KCNQ3: variants seen among roughly 807,000 people sequenced by gnomAD.
The protein encoded by KCNQ3 is potassium voltage-gated channel subfamily Q member 3.
Under a neutral mutation model 92.5 loss-of-function variants are expected in KCNQ3, and 30 were observed. That is an observed-to-expected ratio of 0.32 (90% confidence interval 0.24 to 0.44). The LOEUF (loss-of-function observed/expected upper bound fraction) is 0.44. Ranked by LOEUF, KCNQ3 falls within the 20% of genes least tolerant of loss-of-function variation. The pLI is 1.00. For missense variants in KCNQ3, 913 were observed against 1,140.3 expected (o/e 0.80, Z 2.87); for synonymous variants, 450 against 468.8 (o/e 0.96, Z 0.52).
At chr8:132,146,881 C>CAAGCCTGGCTAA (rs1825466210) in intron 9 of KCNQ3, among the ~76,000 whole-genome samples, 4 of 152,158 alleles carry the variant, frequency 2.6e-5, no homozygotes, top group African/African-American at 9.7e-5. Flanking sequence ...TAGTTTCAAA[C>CAAGCCTGGCTAA]TCTTGAGCTC....
intron 1 of KCNQ3, among the ~76,000 whole-genome samples, chr8:132,461,943 G>A (rs1472899893): frequency 1.3e-5 from 2 of 152,116 alleles, no homozygotes; most frequent in Non-Finnish European, 2.9e-5. Context: ...TAGGTGTGTG[G>A]CAAATATTTC....
intron 1 of KCNQ3, among the ~76,000 whole-genome samples, chr8:132,439,312 C>T (rs1821473579): frequency 6.6e-6 from 1 of 151,928 alleles, no homozygotes. Context: ...TTTCAGTGCC[C>T]ATTTTAAAGA....
chr8:132,231,599 C>T (rs1031699555), intron 1 of KCNQ3, among the ~76,000 whole-genome samples: 2 of 152,128 alleles, frequency 1.3e-5, no homozygotes, highest in African/African-American at 2.4e-5. Flanking sequence ...TATATGAGAA[C>T]ATAGCAAGAA....
intron 6 of KCNQ3, 44 bp from the exon 7 acceptor site, chr8:132,172,737 TC>T: frequency 1.4e-6 from 2 of 1,386,370 alleles, no homozygotes; most frequent in Non-Finnish European, 2.0e-6. Context: ...AGCTAGACTG[TC>T]CCAGCATTCC....
In KCNQ3 at chr8:132,219,771, TTTTG is replaced by T. The variant is rs556151126; in HGVS notation, c.387-33594_387-33591del. On this transcript the variant is annotated intron_variant, in intron 1 of 14. Coordinates refer to ENST00000388996, the MANE Select transcript of KCNQ3 (RefSeq NM_004519.4). ...TCAAATCCTCTTTAAGCAGAGCTTA[TTTTG>T]TTTGTTTGTTTTTATCTGCTGTGGA... Among the ~76,000 whole-genome samples the T allele has an allele frequency of 2.9e-4, 44 of 152,336 alleles. No homozygotes were observed. In the South Asian group the frequency reaches 8.3e-3, roughly 29 times the overall value.
At chr8:132,353,621 C>G (rs1205962287) in intron 1 of KCNQ3, among the ~76,000 whole-genome samples, 1 of 152,116 alleles carries the variant, frequency 6.6e-6, no homozygotes, top group Non-Finnish European at 1.5e-5. Context: ...CGAAACCAGC[C>G]TGGCCAACAT....
chr8:132,184,140 C>A lies in KCNQ3; in HGVS notation c.604+101G>T, dbSNP rs1826881026. ...AGGGGCTGAGCTGGCCTCCACAGTGCCGCGTGATTTCCCAGAATAGCTGCT... is the reference window on the plus strand; with the variant it reads ...AGGGGCTGAGCTGGCCTCCACAGTGACGCGTGATTTCCCAGAATAGCTGCT... On this transcript the variant is annotated intron_variant, in intron 3 of 14. Transcript: ENST00000388996. 6 of 1,468,702 alleles carry A rather than the reference C, an allele frequency of 4.1e-6. No homozygotes were observed. In the African/African-American group the frequency reaches 8.3e-5, roughly 20 times the overall value. The allele number at this position is 1,468,702 out of a possible 1,614,324, so 91.0% of individuals were successfully genotyped here. A position where few individuals can be genotyped will look rare whatever the true frequency, so the allele number is the denominator to read the frequency against.
intron 1 of KCNQ3, among the ~76,000 whole-genome samples, chr8:132,450,730 G>C (rs1460485948): frequency 1.3e-5 from 2 of 152,206 alleles, no homozygotes; most frequent in African/African-American, 4.8e-5. Context: ...TTGAGCCGAA[G>C]AGGAAGAAGG....
chr8:132,374,652 T>C (rs993070752), intron 1 of KCNQ3, among the ~76,000 whole-genome samples: 17 of 152,140 alleles, frequency 1.1e-4, no homozygotes, highest in African/African-American at 3.9e-4. Flanking sequence ...CAATACTAAT[T>C]TTTTTCTGCT....
chr8:132,378,358 C>T (rs139614079), intron 1 of KCNQ3, among the ~76,000 whole-genome samples: 4,013 of 151,988 alleles, frequency 0.026, 162 homozygotes, highest in African/African-American at 0.09. Flanking sequence ...TGCCACTGCA[C>T]TCCAGCCTGG....
chr8:132,370,641 C>T (rs1343494667), intron 1 of KCNQ3, among the ~76,000 whole-genome samples: 4 of 152,208 alleles, frequency 2.6e-5, no homozygotes, highest in Admixed American at 2.0e-4. Flanking sequence ...ACTCGTTACA[C>T]AGTTGGTGTA....
At chr8:132,396,202 C>T (rs1424956758) in intron 1 of KCNQ3, among the ~76,000 whole-genome samples, 1 of 152,140 alleles carries the variant, frequency 6.6e-6, no homozygotes, top group Non-Finnish European at 1.5e-5. Context: ...TCCGAAATGG[C>T]CCACTCTTTG....
intron 1 of KCNQ3, among the ~76,000 whole-genome samples, chr8:132,311,326 A>C (rs1238060216): frequency 6.6e-6 from 1 of 152,122 alleles, no homozygotes; most frequent in Non-Finnish European, 1.5e-5. Context: ...TTGGTAGGGC[A>C]TGACAGCAAA....
At chr8:132,147,205 C>T (rs1825477068) in intron 9 of KCNQ3, among the ~76,000 whole-genome samples, 1 of 152,108 alleles carries the variant, frequency 6.6e-6, no homozygotes, top group Non-Finnish European at 1.5e-5. Context: ...ACTTTGACAT[C>T]AATTTTCAAC....
intron 1 of KCNQ3, among the ~76,000 whole-genome samples, chr8:132,347,773 C>T (rs1818739640): frequency 6.6e-6 from 1 of 151,916 alleles, no homozygotes; most frequent in African/African-American, 2.4e-5. Flanking sequence ...GTCAGGAAAT[C>T]GAGACCATCC....
At chr8:132,447,162 C>T in intron 1 of KCNQ3, 1 of 1,511,258 alleles carries the variant, frequency 6.6e-7, no homozygotes, top group Non-Finnish European at 8.9e-7. Flanking sequence ...TTAGGATGCT[C>T]TGTTTTCATA....
intron 1 of KCNQ3, among the ~76,000 whole-genome samples, chr8:132,367,752 A>T (rs1236899911): frequency 6.6e-6 from 1 of 152,170 alleles, no homozygotes; most frequent in Non-Finnish European, 1.5e-5. Context: ...CTTTCTGCTA[A>T]TATCTTTCTC....
At chr8:132,132,090 A>T in intron 14 of KCNQ3, 90 bp downstream of exon 14, 1 of 968,816 alleles carries the variant, frequency 1.0e-6, no homozygotes, top group Non-Finnish European at 1.6e-6. Flanking sequence ...TTCGTCTTAA[A>T]AAAAAAAAAG....
At chr8:132,227,455 G>A (rs564920309) in intron 1 of KCNQ3, among the ~76,000 whole-genome samples, 43 of 152,260 alleles carry the variant, frequency 2.8e-4, no homozygotes, top group African/African-American at 7.5e-4. Flanking sequence ...GTGAGAAGCC[G>A]GATGTCTGCA....
Sources: gnomAD v4.1 joint callset for allele counts (sites outside exome capture counted in the v4.1 genomes callset) on GRCh38, gnomAD v4.1.1 for gene constraint, MANE v1.5 for transcripts, NCBI Gene and HGNC (gene_info 2026-07-23, HGNC 2026-07-21) for gene names.